The following ENOX1 variants were observed in gnomAD, a reference collection of about 807,000 sequenced individuals.
The protein encoded by ENOX1 is candidate growth-related and time keeping constitutive hydroquinone (NADH) oxidase.
ENOX1 carries 42 observed loss-of-function variants against 82.5 expected under a neutral mutation model. The observed-to-expected ratio is 0.51, with a 90% CI of 0.40 to 0.66. ENOX1 has a LOEUF of 0.66. Among genes scored for constraint, ENOX1 ranks in the 30% least tolerant of loss-of-function variants. The probability of loss-of-function intolerance (pLI) is 0.00; values close to 1 mark genes in which losing one functional copy is unlikely to be tolerated. For missense variants in ENOX1, 608 were observed against 811.6 expected, an observed-to-expected ratio of 0.75 and a Z score of 3.05; for synonymous variants, 271 against 282.2, an observed-to-expected ratio of 0.96 and a Z score of 0.40.
At chr13:43,582,062 A>T (rs1312968919) in intron 2 of ENOX1, among the ~76,000 whole-genome samples, 3 of 152,206 alleles carry the variant, frequency 2.0e-5, no homozygotes, top group Admixed American at 1.3e-4. Flanking sequence ...GCCACAAATA[A>T]AACATCAATA....
At chr13:43,740,591 T>C (rs1013739729) in intron 1 of ENOX1, among the ~76,000 whole-genome samples, 4 of 152,182 alleles carry the variant, frequency 2.6e-5, no homozygotes, top group Non-Finnish European at 5.9e-5. Context: ...GTATTAAGCC[T>C]AGTACCAATT....
At chr13:43,445,267 GCACC>G (rs2056575263) in intron 3 of ENOX1, among the ~76,000 whole-genome samples, 1 of 151,828 alleles carries the variant, frequency 6.6e-6, no homozygotes, top group South Asian at 2.1e-4. Flanking sequence ...GGGACTACAG[GCACC>G]CACCACCACG....
chr13:43,718,978 A>G (rs117758343), intron 1 of ENOX1, among the ~76,000 whole-genome samples: 3,883 of 152,252 alleles, frequency 0.026, 59 homozygotes, highest in African/African-American at 0.047. Context: ...TATTCCATAC[A>G]TAGGAAAAAA....
chr13:43,616,204 ATTTTT>A (rs58543927), intron 2 of ENOX1, among the ~76,000 whole-genome samples: 163 of 15,312 alleles, frequency 0.011, 42 homozygotes, highest in Middle Eastern at 0.083. Context: ...ATATATATAT[ATTTTT>A]TTTTTTTTTT....
intron 2 of ENOX1, among the ~76,000 whole-genome samples, chr13:43,637,910 G>A (rs141201699): frequency 2.6e-5 from 4 of 152,160 alleles, no homozygotes; most frequent in South Asian, 4.2e-4. Flanking sequence ...ATCCTCATCC[G>A]GCAATAGGAA....
At chr13:43,277,375 C>T (rs567449636) in intron 12 of ENOX1, among the ~76,000 whole-genome samples, 6 of 152,274 alleles carry the variant, frequency 3.9e-5, no homozygotes, top group Admixed American at 2.0e-4. Context: ...TCAGCTAGAC[C>T]GCACAGCCGA....
intron 2 of ENOX1, among the ~76,000 whole-genome samples, chr13:43,584,300 C>G (rs981966631): frequency 1.3e-5 from 2 of 152,238 alleles, no homozygotes; most frequent in African/African-American, 2.4e-5. Context: ...CCCATCCCCC[C>G]ACTATACACA....
intron 2 of ENOX1, among the ~76,000 whole-genome samples, chr13:43,643,354 G>A (rs1296897213): frequency 1.3e-5 from 2 of 152,194 alleles, no homozygotes; most frequent in African/African-American, 4.8e-5. Flanking sequence ...CATGACAGAT[G>A]CCTATTTAGT....
chr13:43,604,174 C>A (rs1486113046), intron 2 of ENOX1, among the ~76,000 whole-genome samples: 1 of 150,880 alleles, frequency 6.6e-6, no homozygotes, highest in East Asian at 2.0e-4. Flanking sequence ...TTTTTGGCTG[C>A]ATAAATGTCT....
chr13:43,247,850 TATATATATATATATATATATATATATATA>T (rs1566328776), intron 14 of ENOX1, among the ~76,000 whole-genome samples: 51 of 2,182 alleles, frequency 0.023, no homozygotes, highest in East Asian at 0.031. Flanking sequence ...TATATATATA[TATATATATATATATATATATATATATATA>T]TATATTTTTT....
chr13:43,775,949 T>TC, intron 1 of ENOX1, among the ~76,000 whole-genome samples: 1 of 126,218 alleles, frequency 7.9e-6, no homozygotes, highest in South Asian at 2.1e-4. Flanking sequence ...AAGATGCTAC[T>TC]TGAGGCCTGT....
chr13:43,398,977 A>C (rs1222856376), intron 5 of ENOX1, among the ~76,000 whole-genome samples: 1 of 150,450 alleles, frequency 6.6e-6, no homozygotes, highest in Admixed American at 6.6e-5. Flanking sequence ...TTTTTTTCAG[A>C]GGTAGGTTTT....
chr13:43,428,659 T>G (rs1365514000), intron 3 of ENOX1, among the ~76,000 whole-genome samples: 3 of 152,186 alleles, frequency 2.0e-5, no homozygotes, highest in Non-Finnish European at 2.9e-5. Flanking sequence ...TTCTCTTACT[T>G]GTACCAAATA....
At chr13:43,470,329 T>TAC (rs1408710966) in intron 3 of ENOX1, among the ~76,000 whole-genome samples, 1 of 61,130 alleles carries the variant, frequency 1.6e-5, no homozygotes, top group Non-Finnish European at 3.2e-5. Context: ...CATATATATA[T>TAC]GTATATATAT....
At chr13:43,382,636 A>C (rs1017749308) in intron 5 of ENOX1, among the ~76,000 whole-genome samples, 6 of 152,168 alleles carry the variant, frequency 3.9e-5, no homozygotes, top group Non-Finnish European at 7.4e-5. Context: ...AGGGGGTCTG[A>C]GTAGGTAGGA....
chr13:43,564,378 G>A (rs1305771809), intron 2 of ENOX1, among the ~76,000 whole-genome samples: 1 of 151,776 alleles, frequency 6.6e-6, no homozygotes, highest in East Asian at 1.9e-4. Context: ...TATCTCATGT[G>A]CCCCATAAAT....
At chr13:43,672,940 G>A (rs1042802133) in intron 1 of ENOX1, among the ~76,000 whole-genome samples, 2 of 151,838 alleles carry the variant, frequency 1.3e-5, no homozygotes, top group African/African-American at 2.4e-5. Context: ...AAAAAGTAGG[G>A]ACAAAAAAGT....
At position 43,589,627 on chromosome 13, in the gene ENOX1, C is replaced by G. The variant is rs1377898992; in HGVS notation, c.-219+77852G>C. On this transcript the variant is annotated intron_variant, in intron 2 of 16. Transcript: ENST00000690772. ...TCAAGCAATTCTCCCACCTCGACCT[C>G]CAAGTAGCCAGACTATAGGCGAATG... Among the ~76,000 whole-genome samples the G allele has an allele frequency of 4.6e-4, 7 of 15,256 alleles. No individual in the cohort carries two copies. The Non-Finnish European group carries it at 9.1e-3, about 20-fold the overall frequency. 10.0% of individuals were successfully genotyped at this position (15,256 alleles called of 152,430 possible). A position where few individuals can be genotyped will look rare whatever the true frequency, so the allele number is the denominator to read the frequency against.
rs537591506 is a variant in ENOX1, at chr13:43,398,803, C to CTT, written c.208+13111_208+13112dup. Among the ~76,000 whole-genome samples the CTT allele has an allele frequency of 5.9e-3, 822 of 140,432 alleles. 6 individuals are homozygous for CTT. Among genetic ancestry groups the CTT allele is most frequent in the African/African-American group, 0.019 (720 of 37,716 alleles). 92.1% of individuals were successfully genotyped at this position (140,432 alleles called of 152,430 possible). ...GTATTTTCCCTTATCATTTCTTCTT[C>CTT]TTTTTTTTTTTTTTGAGACAGGGTC... On this transcript the variant is annotated intron_variant, in intron 5 of 16. Transcript: ENST00000690772.
Sources: allele counts gnomAD v4.1 joint callset (sites outside exome capture counted in the v4.1 genomes callset), GRCh38; gene constraint gnomAD v4.1.1; transcripts MANE v1.5; gene names NCBI Gene and HGNC (gene_info 2026-07-23, HGNC 2026-07-21).